PIP4K2A: variants seen among roughly 807,000 people sequenced by gnomAD.
PIP4K2A encodes the protein phosphatidylinositol-5-phosphate 4-kinase type 2 alpha.
A neutral mutation model predicts 42.9 loss-of-function variants in PIP4K2A; 14 were observed. The ratio of observed to expected loss-of-function variants is 0.33; its 90% CI spans 0.22 to 0.51. The LOEUF is 0.51. Ranked by LOEUF, PIP4K2A falls within the 20% of genes least tolerant of loss-of-function variation. The probability of loss-of-function intolerance (pLI) is 0.97; values close to 1 mark genes in which losing one functional copy is unlikely to be tolerated. For missense variants in PIP4K2A, 434 were observed against 519.8 expected, an observed-to-expected ratio of 0.83 and a Z score of 1.61; for synonymous variants, 192 against 192.2, an observed-to-expected ratio of 1.00 and a Z score of 0.01.
At chr10:22,681,015 A>G (rs988771931) in intron 1 of PIP4K2A, among the ~76,000 whole-genome samples, 2 of 152,130 alleles carry the variant, frequency 1.3e-5, no homozygotes, top group African/African-American at 2.4e-5. Context: ...ACTAACCTGA[A>G]TAAGGAAATT....
At chr10:22,574,653 T>A (rs1837070081) in intron 4 of PIP4K2A, among the ~76,000 whole-genome samples, 1 of 152,194 alleles carries the variant, frequency 6.6e-6, no homozygotes, top group Admixed American at 6.5e-5. Context: ...TTTTGGCAAG[T>A]TTTAAAGATG....
At chr10:22,574,990 C>T (rs1031687574) in intron 4 of PIP4K2A, among the ~76,000 whole-genome samples, 3 of 151,946 alleles carry the variant, frequency 2.0e-5, no homozygotes, top group Non-Finnish European at 4.4e-5. Context: ...GGTTTGCGAG[C>T]CAGAAAGGTG....
At position 22,609,652 on chromosome 10, in the gene PIP4K2A, T is replaced by C; in HGVS notation, c.210A>G (p.Ser70=). 6.2e-7 allele frequency: 1 copy of C among 1,607,520 alleles called. No individual in the cohort carries two copies. ...AAAGGTGATTGTCCACCTTTATTTT[T>C]GAATAGGCTTTGAAGTCATCTGGCA... ...MLMPDDFKAY[S]KIKVDNHLFN... Residue 70 remains serine (S), a synonymous_variant, in exon 2 of 10, where the codon TCA becomes TCG. Coordinates refer to ENST00000376573, the MANE Select transcript of PIP4K2A (RefSeq NM_005028.5).
chr10:22,650,043 G>C (rs979820180), intron 1 of PIP4K2A, among the ~76,000 whole-genome samples: 1 of 152,110 alleles, frequency 6.6e-6, no homozygotes, highest in Non-Finnish European at 1.5e-5. Context: ...TATCTCCCCA[G>C]AACCCATCCA....
intron 3 of PIP4K2A, among the ~76,000 whole-genome samples, chr10:22,606,637 A>C (rs992366897): frequency 6.6e-6 from 1 of 152,220 alleles, no homozygotes; most frequent in African/African-American, 2.4e-5. Flanking sequence ...TGTGCTAACT[A>C]TCTCAGTTTG....
intron 6 of PIP4K2A, among the ~76,000 whole-genome samples, chr10:22,564,706 G>A (rs983718636): frequency 6.6e-6 from 1 of 152,216 alleles, no homozygotes; most frequent in Non-Finnish European, 1.5e-5. Context: ...TTAGGCGAAG[G>A]TTGAATTCTC....
intron 1 of PIP4K2A, 115 bp downstream of exon 1, chr10:22,714,068 G>A: frequency 9.1e-7 from 1 of 1,103,040 alleles, no homozygotes; most frequent in Non-Finnish European, 1.3e-6. Flanking sequence ...AGCAGCCGGA[G>A]GTCCAGGGCT....
chr10:22,606,000 A>C (rs1273412518), intron 3 of PIP4K2A, among the ~76,000 whole-genome samples: 1 of 152,112 alleles, frequency 6.6e-6, no homozygotes, highest in Non-Finnish European at 1.5e-5. Flanking sequence ...TACAGCAGTA[A>C]ATTTCAAGTC....
At chr10:22,549,784 T>G (rs985112473) in intron 7 of PIP4K2A, among the ~76,000 whole-genome samples, 8 of 123,970 alleles carry the variant, frequency 6.5e-5, no homozygotes, top group Non-Finnish European at 6.2e-5. Context: ...GAGCTTGCAG[T>G]GAGCCGAGAT....
intron 4 of PIP4K2A, among the ~76,000 whole-genome samples, chr10:22,584,628 T>C (rs551422500): frequency 2.0e-5 from 3 of 152,138 alleles, no homozygotes; most frequent in Non-Finnish European, 2.9e-5. Flanking sequence ...GCTGAGGACA[T>C]TGGGAACAGA....
At chr10:22,665,108 T>C (rs1281431865) in intron 1 of PIP4K2A, among the ~76,000 whole-genome samples, 5 of 152,180 alleles carry the variant, frequency 3.3e-5, no homozygotes, top group South Asian at 2.1e-4. Flanking sequence ...CACACACACA[T>C]ACATTTTTAC....
At chr10:22,573,805 CT>C (rs1158118186) in intron 4 of PIP4K2A, among the ~76,000 whole-genome samples, 2 of 152,238 alleles carry the variant, frequency 1.3e-5, no homozygotes, top group African/African-American at 2.4e-5. Flanking sequence ...GCGCCTCTGT[CT>C]TCTACCCCCA....
chr10:22,656,933 T>C (rs1041022798), intron 1 of PIP4K2A, among the ~76,000 whole-genome samples: 10 of 152,226 alleles, frequency 6.6e-5, no homozygotes, highest in East Asian at 3.8e-4. Context: ...AGTTATTTTA[T>C]GTCACTTTCA....
At chr10:22,627,497 A>G (rs1231547794) in intron 1 of PIP4K2A, among the ~76,000 whole-genome samples, 1 of 150,996 alleles carries the variant, frequency 6.6e-6, no homozygotes, top group African/African-American at 2.4e-5. Flanking sequence ...TCTTTTACAT[A>G]AACTCTAATA....
At chr10:22,553,789 CTTTTTTTT>C (rs3074629) in intron 6 of PIP4K2A, among the ~76,000 whole-genome samples, 2 of 118,520 alleles carry the variant, frequency 1.7e-5, no homozygotes, top group South Asian at 2.9e-4. Context: ...GGTTGAAAAA[CTTTTTTTT>C]TTTTTTTTTT....
intron 1 of PIP4K2A, among the ~76,000 whole-genome samples, chr10:22,704,671 A>T (rs1833784017): frequency 6.6e-6 from 1 of 150,596 alleles, no homozygotes; most frequent in East Asian, 1.9e-4. Context: ...AAAAAAAAAA[A>T]GGAACAGAAA....
chr10:22,689,282 T>C (rs1450837554), intron 1 of PIP4K2A, among the ~76,000 whole-genome samples: 1 of 152,004 alleles, frequency 6.6e-6, no homozygotes, highest in African/African-American at 2.4e-5. Flanking sequence ...GGCCTGTACA[T>C]TGAAAAATAT....
intron 1 of PIP4K2A, among the ~76,000 whole-genome samples, chr10:22,712,802 T>A (rs963888073): frequency 1.6e-4 from 25 of 152,202 alleles, no homozygotes; most frequent in Non-Finnish European, 3.5e-4. Flanking sequence ...ACTCACTCCA[T>A]GCAAACACGA....
At chr10:22,643,125 G>A (rs567166171) in intron 1 of PIP4K2A, among the ~76,000 whole-genome samples, 3 of 152,168 alleles carry the variant, frequency 2.0e-5, no homozygotes, top group Admixed American at 2.0e-4. Flanking sequence ...TGAGGACTTG[G>A]CTCCTGGAGC....
Sources: allele counts gnomAD v4.1 joint callset (sites outside exome capture counted in the v4.1 genomes callset), GRCh38; gene constraint gnomAD v4.1.1; transcripts MANE v1.5; gene names NCBI Gene and HGNC (gene_info 2026-07-23, HGNC 2026-07-21).